The following TMEM165 variants were observed in gnomAD, a reference collection of about 807,000 sequenced individuals.
TMEM165 encodes putative divalent cation/proton antiporter TMEM165.
A neutral mutation model predicts 30.0 loss-of-function variants in TMEM165; 19 were observed. The observed-to-expected ratio is 0.63, with a 90% CI of 0.44 to 0.93. The LOEUF (loss-of-function observed/expected upper bound fraction) is 0.93. TMEM165 is among the 40% of genes least tolerant of loss of function. TMEM165 has a pLI of 0.00. For synonymous variants in TMEM165, 168 were observed against 162.9 expected (o/e 1.03, Z -0.24); for missense variants, 340 against 417.0 (o/e 0.82, Z 1.61).
Position 55,411,628 on chromosome 4 carries a change from A to G in TMEM165, c.222A>G (p.Pro74=). ...TTTTTTTCCAGAAAATATTTACACC[A>G]GCAGCTCCAGTTCATACCAATAAAG... ...EPARVEKIFT[P]AAPVHTNKED... The change falls in exon 2 of 6, where the codon CCA becomes CCG. Residue 74 remains proline (P), a synonymous_variant. Transcript: ENST00000381334. The G allele has an allele frequency of 1.2e-6, 2 of 1,612,500 alleles. No homozygotes were observed. Among genetic ancestry groups the G allele is most frequent in the South Asian group, 2.2e-5 (2 of 90,538 alleles).
rs371124857 is a variant in TMEM165 at position 55,412,393 on chromosome 4, C to CAAAAAAA, written c.433+572_433+578dup. On this transcript the variant is annotated intron_variant, in intron 2 of 5. Coordinates refer to ENST00000381334, the MANE Select transcript of TMEM165 (RefSeq NM_018475.5). ...TGGGTGATAGAGTGAGACTCCATCT[C>CAAAAAAA]AAAAAAAAAAAAAAAAAAAAAAAAG... Among the ~76,000 whole-genome samples, 119 of 54,320 alleles carry CAAAAAAA rather than the reference C, an allele frequency of 2.2e-3. 8 individuals carry two copies. Among genetic ancestry groups the CAAAAAAA allele is most frequent in the Admixed American group, 2.9e-3 (9 of 3,092 alleles). 35.6% of individuals were successfully genotyped at this position (54,320 alleles called of 152,430 possible).
chr4:55,416,947 C>A, intron 2 of TMEM165, 125 bp from the exon 3 acceptor site: 1 of 744,382 alleles, frequency 1.3e-6, no homozygotes, highest in Non-Finnish European at 2.1e-6. Context: ...TTATTACATA[C>A]TAGATTAGCT....
At chr4:55,422,810 C>T (rs1262520814) in intron 4 of TMEM165, among the ~76,000 whole-genome samples, 11 of 151,968 alleles carry the variant, frequency 7.2e-5, no homozygotes, top group Non-Finnish European at 1.0e-4. Context: ...CCACCACACC[C>T]GGCTAATTTT....
At chr4:55,401,836 G>C (rs1351850839) in intron 1 of TMEM165, among the ~76,000 whole-genome samples, 1 of 150,018 alleles carries the variant, frequency 6.7e-6, no homozygotes, top group African/African-American at 2.5e-5. Flanking sequence ...ATCAATGAAG[G>C]CCGGGCGCAG....
intron 4 of TMEM165, chr4:55,424,217 T>A: frequency 3.7e-6 from 1 of 272,322 alleles, no homozygotes; most frequent in Non-Finnish European, 6.9e-6. Context: ...CTAGCACTTG[T>A]CATAGCAGTG....
chr4:55,428,220 T>A (rs1722316736), downstream of TMEM165: 1 of 152,202 alleles, frequency 6.6e-6, no homozygotes. Flanking sequence ...TAACCTGGAA[T>A]AATGATTACA....
At chr4:55,404,667 G>A (rs1364433354) in intron 1 of TMEM165, among the ~76,000 whole-genome samples, 1 of 151,054 alleles carries the variant, frequency 6.6e-6, no homozygotes, top group African/African-American at 2.4e-5. Context: ...CGAACTCTTG[G>A]CCTCAAGCAG....
intron 3 of TMEM165, chr4:55,433,737 G>A (rs1722671610): frequency 6.6e-6 from 1 of 152,016 alleles, no homozygotes; most frequent in Admixed American, 6.6e-5. Context: ...TCTGTAAAAT[G>A]TTTTTTAAAT....
downstream of TMEM165, among the ~76,000 whole-genome samples, chr4:55,426,415 G>C (rs947332894): frequency 6.6e-6 from 1 of 152,064 alleles, no homozygotes; most frequent in Non-Finnish European, 1.5e-5. Flanking sequence ...CACACCAGGC[G>C]GTTTAATTCC....
At chr4:55,424,826 G>A (rs1052598227) in intron 5 of TMEM165, 183 bp downstream of exon 5, 4 of 531,440 alleles carry the variant, frequency 7.5e-6, no homozygotes, top group Non-Finnish European at 1.3e-5. Flanking sequence ...CTGTGTAGAA[G>A]TTAGCAAAAT....
intron 1 of TMEM165, among the ~76,000 whole-genome samples, chr4:55,399,537 CTT>C (rs1438928693): frequency 6.6e-6 from 1 of 152,106 alleles, no homozygotes; most frequent in African/African-American, 2.4e-5. Flanking sequence ...GAATATGTAA[CTT>C]TGCAGGTATT....
intron 1 of TMEM165, among the ~76,000 whole-genome samples, chr4:55,406,967 A>T (rs888217870): frequency 6.6e-6 from 1 of 152,198 alleles, no homozygotes; most frequent in Admixed American, 6.5e-5. Flanking sequence ...ACATTTAGTT[A>T]TTTTGTCTCT....
chr4:55,403,197 G>A (rs1035620885), intron 1 of TMEM165: 1 of 1,180,848 alleles, frequency 8.5e-7, no homozygotes, highest in African/African-American at 1.6e-5. Context: ...CCTCTTGTTT[G>A]ATAACTTATT....
intron 3 of TMEM165, among the ~76,000 whole-genome samples, chr4:55,444,434 GA>G (rs1723619676): frequency 6.6e-6 from 1 of 152,146 alleles, no homozygotes; most frequent in African/African-American, 2.4e-5. Context: ...CAAGGATGTT[GA>G]CAGAAATACC....
chr4:55,435,316 GA>G, intron 3 of TMEM165: 1 of 1,419,406 alleles, frequency 7.0e-7, no homozygotes, highest in African/African-American at 1.4e-5. Flanking sequence ...TGCATCTCAT[GA>G]AACTGCTGGA....
At position 55,424,773 on chromosome 4, in the gene TMEM165, T is replaced by TA. The variant is rs3830579; in HGVS notation, c.898+131dup. The TA allele has an allele frequency of 2.6e-5, 17 of 658,126 alleles. No individual in the cohort carries two copies. The East Asian group carries it at 4.4e-4, about 17-fold the overall frequency. 40.8% of individuals were successfully genotyped at this position (658,126 alleles called of 1,614,324 possible). Reference sequence around the variant, plus strand: ...TTTTCTAATTACCTACCATCTCTTATAGAGGTATTAATCCTGGTATTGCAA... The same window carrying TA: ...TTTTCTAATTACCTACCATCTCTTATAAGAGGTATTAATCCTGGTATTGCAA... On this transcript the variant is annotated intron_variant, in intron 5 of 5. Transcript: ENST00000381334.
At chr4:55,413,846 ACATT>A (rs756721998) in intron 2 of TMEM165, among the ~76,000 whole-genome samples, 2 of 152,354 alleles carry the variant, frequency 1.3e-5, no homozygotes, top group Non-Finnish European at 2.9e-5. Flanking sequence ...ACATATACAT[ACATT>A]ATTTATAAGC....
At chr4:55,437,851 A>G (rs1410099414) in intron 3 of TMEM165, among the ~76,000 whole-genome samples, 1 of 152,226 alleles carries the variant, frequency 6.6e-6, no homozygotes, top group Non-Finnish European at 1.5e-5. Context: ...TTACAACTGA[A>G]AAATTATAAT....
At chr4:55,430,199 G>A (rs1722408464), downstream of TMEM165, 1 of 147,092 alleles carries the variant, frequency 6.8e-6, no homozygotes, top group Non-Finnish European at 1.5e-5. Flanking sequence ...ACTTAATGCA[G>A]CACCTCAGTG....
Sources: allele counts gnomAD v4.1 joint callset (sites outside exome capture counted in the v4.1 genomes callset), GRCh38; gene constraint gnomAD v4.1.1; transcripts MANE v1.5; gene names NCBI Gene and HGNC (gene_info 2026-07-23, HGNC 2026-07-21).